The following SLC35A3 variants were observed in gnomAD, a reference collection of about 807,000 sequenced individuals.
SLC35A3 encodes solute carrier family 35 member A3, also known as UDP-N-acetylglucosamine transporter.
In SLC35A3, 26 loss-of-function variants were observed where a neutral mutation model predicts 39.0. The ratio of observed to expected loss-of-function variants is 0.67; its 90% CI spans 0.49 to 0.92. SLC35A3 has a LOEUF of 0.92. Among genes scored for constraint, SLC35A3 ranks in the 40% least tolerant of loss-of-function variants. The pLI is 0.00. For missense variants in SLC35A3, 299 were observed against 371.6 expected, an observed-to-expected ratio of 0.80 and a Z score of 1.61; for synonymous variants, 135 against 133.1, an observed-to-expected ratio of 1.01 and a Z score of -0.10.
intron 1 of SLC35A3, among the ~76,000 whole-genome samples, chr1:99,973,351 G>A (rs773619740): frequency 6.6e-6 from 1 of 152,158 alleles, no homozygotes; most frequent in Non-Finnish European, 1.5e-5. Context: ...ATATGAATTG[G>A]TAGCTTAACA....
chr1:100,002,643 T>G (rs1328965865), intron 3 of SLC35A3, among the ~76,000 whole-genome samples: 2 of 152,152 alleles, frequency 1.3e-5, no homozygotes, highest in Admixed American at 1.3e-4. Flanking sequence ...GTTTGAGACA[T>G]TCTCACTTTG....
intron 7 of SLC35A3, 104 bp from the exon 8 acceptor site, chr1:100,022,282 A>AT: frequency 1.6e-6 from 1 of 606,344 alleles, no homozygotes; most frequent in East Asian, 3.0e-5. Context: ...TTACTGGAAC[A>AT]TTTTTCCCCA....
At position 100,027,473 on chromosome 1, in the gene SLC35A3, G is replaced by C; in HGVS notation, c.*4997G>C. ...TCAAAAAACAAACAAAACAAAAACT[G>C]AAACAACAAAAAAAGACTGGGTTTA... is the stretch of plus-strand genomic sequence containing the variant. On this transcript the variant is annotated 3_prime_UTR_variant, in exon 8 of 8. Coordinates refer to ENST00000533028, the MANE Select transcript of SLC35A3 (RefSeq NM_012243.3). 9 of 316,978 alleles carry C rather than the reference G, an allele frequency of 2.8e-5. No homozygotes were observed. The highest frequency in any genetic ancestry group is 5.7e-6 in the Non-Finnish European group (1 of 175,818). 19.6% of individuals were successfully genotyped at this position (316,978 alleles called of 1,614,324 possible).
chr1:99,981,574 G>A (rs1244285092), intron 1 of SLC35A3, among the ~76,000 whole-genome samples: 2 of 152,030 alleles, frequency 1.3e-5, no homozygotes, highest in Non-Finnish European at 2.9e-5. Context: ...CCTCCTCCCA[G>A]GTTCAAGAAA....
At chr1:100,002,254 T>C (rs1658863694) in intron 3 of SLC35A3, among the ~76,000 whole-genome samples, 1 of 152,208 alleles carries the variant, frequency 6.6e-6, no homozygotes, top group African/African-American at 2.4e-5. Context: ...TGGACTTTTC[T>C]TTTGTGGGAG....
At chr1:100,021,160 T>C (rs925347779) in intron 7 of SLC35A3, among the ~76,000 whole-genome samples, 2 of 151,790 alleles carry the variant, frequency 1.3e-5, no homozygotes, top group African/African-American at 4.8e-5. Context: ...GTTAGGAGTT[T>C]GAGACCAGCC....
chr1:99,994,667 A>G (rs1658280077), intron 2 of SLC35A3, among the ~76,000 whole-genome samples: 1 of 152,126 alleles, frequency 6.6e-6, no homozygotes, highest in Admixed American at 6.6e-5. Flanking sequence ...GACGTAACAC[A>G]TTTTGTTTAT....
chr1:100,019,887 G>A (rs1444084519), intron 7 of SLC35A3, among the ~76,000 whole-genome samples: 1 of 151,996 alleles, frequency 6.6e-6, no homozygotes, highest in African/African-American at 2.4e-5. Context: ...TATTTTTCTT[G>A]TGCTTGTTAT....
intron 1 of SLC35A3, among the ~76,000 whole-genome samples, chr1:99,979,396 T>C (rs1657307621): frequency 6.6e-6 from 1 of 151,874 alleles, no homozygotes; most frequent in South Asian, 2.1e-4. Flanking sequence ...TATATTGCAT[T>C]CTTCTCTTGT....
intron 5 of SLC35A3, among the ~76,000 whole-genome samples, chr1:100,012,826 A>G (rs1659760996): frequency 6.6e-6 from 1 of 152,196 alleles, no homozygotes; most frequent in Non-Finnish European, 1.5e-5. Context: ...AACAGAAAAC[A>G]TTTAGAGGGC....
At chr1:100,016,291 C>T (rs545313308) in intron 6 of SLC35A3, among the ~76,000 whole-genome samples, 2 of 151,588 alleles carry the variant, frequency 1.3e-5, no homozygotes, top group Admixed American at 1.3e-4. Flanking sequence ...ATCTCGATCT[C>T]CTGACCTCGT....
intron 1 of SLC35A3, among the ~76,000 whole-genome samples, chr1:99,984,624 G>T (rs1271675586): frequency 6.6e-6 from 1 of 152,162 alleles, no homozygotes; most frequent in Non-Finnish European, 1.5e-5. Context: ...GGATCAAATG[G>T]TAGTTCTACT....
At position 100,028,885 on chromosome 1, in the gene SLC35A3, G is replaced by C. The variant is rs1157709803; in HGVS notation, c.*6409G>C. ...ACAGTCATATTTATTACAGAGAAAG[G>C]AAATACAAATTAAAACCAGCCAAAG... On this transcript the variant is annotated 3_prime_UTR_variant, in exon 8 of 8. Transcript: ENST00000533028. 1 of 152,202 alleles carries C rather than the reference G, an allele frequency of 6.6e-6. No homozygotes were observed. The highest frequency in any genetic ancestry group is 1.5e-5 in the Non-Finnish European group (1 of 68,060). The allele number at this position is 152,202 out of a possible 1,614,324, so 9.4% of individuals were successfully genotyped here.
intron 7 of SLC35A3, among the ~76,000 whole-genome samples, chr1:100,021,009 AAAC>A (rs1162355949): frequency 6.6e-6 from 1 of 152,228 alleles, no homozygotes; most frequent in African/African-American, 2.4e-5. Context: ...AAAAACAAAA[AAAC>A]AGGAGCATGG....
intron 5 of SLC35A3, among the ~76,000 whole-genome samples, chr1:100,013,378 C>T (rs1210155415): frequency 6.9e-6 from 1 of 145,892 alleles, no homozygotes; most frequent in East Asian, 2.0e-4. Flanking sequence ...TTTGAGAGGC[C>T]GAGGCAGGTG....
chr1:99,990,796 A>G (rs1658037197), intron 1 of SLC35A3, among the ~76,000 whole-genome samples: 1 of 152,178 alleles, frequency 6.6e-6, no homozygotes, highest in African/African-American at 2.4e-5. Context: ...ATTAAGAAGT[A>G]GGGCCTTTGG....
At chr1:99,971,083 C>T (rs550797495) in intron 1 of SLC35A3, among the ~76,000 whole-genome samples, 3 of 152,160 alleles carry the variant, frequency 2.0e-5, no homozygotes, top group Non-Finnish European at 4.4e-5. Flanking sequence ...CAGCCTGGCA[C>T]CCTTCCAGTC....
intron 7 of SLC35A3, among the ~76,000 whole-genome samples, chr1:100,019,156 C>CT (rs71590280): frequency 0.015 from 2,193 of 141,894 alleles, 40 homozygotes; most frequent in African/African-American, 0.045. Context: ...AAAAGCATAC[C>CT]TTTTTTTTTT....
intron 1 of SLC35A3, among the ~76,000 whole-genome samples, chr1:99,978,527 A>G (rs1264579870): frequency 1.3e-5 from 2 of 152,246 alleles, no homozygotes; most frequent in Non-Finnish European, 2.9e-5. Flanking sequence ...CCCTGTTTCA[A>G]AAAATATAAA....
Sources: gnomAD v4.1 joint callset for allele counts (sites outside exome capture counted in the v4.1 genomes callset) on GRCh38, gnomAD v4.1.1 for gene constraint, MANE v1.5 for transcripts, NCBI Gene and HGNC (gene_info 2026-07-23, HGNC 2026-07-21) for gene names.